TGFBR2: variants seen among roughly 807,000 people sequenced by gnomAD.
TGFBR2 encodes the protein TGF-beta receptor type-2.
In TGFBR2, 18 loss-of-function variants were observed where a neutral mutation model predicts 49.0. The ratio of observed to expected loss-of-function variants is 0.37; its 90% CI spans 0.25 to 0.54. The LOEUF is 0.54. Ranked by LOEUF, TGFBR2 falls within the 20% of genes least tolerant of loss-of-function variation. TGFBR2 has a pLI of 0.85. For missense variants in TGFBR2, 525 were observed against 722.6 expected, an observed-to-expected ratio of 0.73 and a Z score of 3.13; for synonymous variants, 282 against 275.9, an observed-to-expected ratio of 1.02 and a Z score of -0.22.
intron 3 of TGFBR2, 144 bp from the exon 4 acceptor site, chr3:30,671,494 C>T (rs1177516760): frequency 1.2e-6 from 1 of 821,396 alleles, no homozygotes; most frequent in East Asian, 2.6e-5. Context: ...GCACTTGCAT[C>T]CCTGAAATAA....
At chr3:30,653,631 G>C (rs1260345593) in intron 3 of TGFBR2, among the ~76,000 whole-genome samples, 1 of 152,100 alleles carries the variant, frequency 6.6e-6, no homozygotes, top group East Asian at 1.9e-4. Context: ...AGTGCATTGT[G>C]GCTGTATTAT....
chr3:30,670,767 G>A (rs1025249889), intron 3 of TGFBR2, among the ~76,000 whole-genome samples: 1 of 152,252 alleles, frequency 6.6e-6, no homozygotes, highest in African/African-American at 2.4e-5. Flanking sequence ...AAAAACTGCA[G>A]CATTTCCATT....
chr3:30,624,624 A>T (rs1046227723), intron 1 of TGFBR2, among the ~76,000 whole-genome samples: 1 of 152,234 alleles, frequency 6.6e-6, no homozygotes, highest in East Asian at 1.9e-4. Flanking sequence ...CAAAGGAAAA[A>T]AAAAAAAGAA....
chr3:30,669,121 C>CAAAAAAAAAAAAAAAAAA (rs56069409), intron 3 of TGFBR2, among the ~76,000 whole-genome samples: 4 of 83,464 alleles, frequency 4.8e-5, no homozygotes, highest in African/African-American at 2.2e-4. Context: ...ACTAAAAATA[C>CAAAAAAAAAAAAAAAAAA]AAAAAAAAAA....
At chr3:30,684,093 C>T (rs1699580615) in intron 5 of TGFBR2, among the ~76,000 whole-genome samples, 1 of 151,988 alleles carries the variant, frequency 6.6e-6, no homozygotes, top group South Asian at 2.1e-4. Flanking sequence ...CATGGTCATC[C>T]TACAAGTCCT....
In TGFBR2 at chr3:30,691,773, A is replaced by G; in HGVS notation, c.*174A>G. On this transcript the variant is annotated 3_prime_UTR_variant, in exon 7 of 7. Coordinates refer to ENST00000295754, the MANE Select transcript of TGFBR2 (RefSeq NM_003242.6). The stretch of plus-strand genomic sequence containing the variant: ...AACAGCAGCAGGGAGTGGGTGACAT[A>G]GAGCATTCTATGCCTTTGACATTGT... The G allele has an allele frequency of 2.9e-6, 2 of 683,200 alleles. No homozygotes were observed. Among genetic ancestry groups the G allele is most frequent in the Admixed American group, 2.3e-5 (1 of 43,528 alleles). The allele number at this position is 683,200 out of a possible 1,614,324, so 42.3% of individuals were successfully genotyped here. A position where few individuals can be genotyped will look rare whatever the true frequency, so the allele number is the denominator to read the frequency against.
intron 1 of TGFBR2, among the ~76,000 whole-genome samples, chr3:30,626,121 A>G: frequency 6.6e-6 from 1 of 152,212 alleles, no homozygotes; most frequent in Middle Eastern, 3.2e-3. Flanking sequence ...CCGATGTGGA[A>G]CCATGTTGAG....
intron 1 of TGFBR2, among the ~76,000 whole-genome samples, chr3:30,624,934 G>T (rs143425540): frequency 1.8e-3 from 279 of 152,214 alleles, no homozygotes; most frequent in African/African-American, 6.5e-3. Flanking sequence ...CAGCAAAGAT[G>T]AGCTTCATTA....
At chr3:30,674,016 A>T (rs1699387611) in intron 4 of TGFBR2, 89 bp from the exon 5 acceptor site, 1 of 1,515,228 alleles carries the variant, frequency 6.6e-7, no homozygotes, top group East Asian at 2.3e-5. Context: ...AATCCTCTGC[A>T]CGTGTCAGGG....
chr3:30,630,993 T>C (rs1158728190), intron 1 of TGFBR2, among the ~76,000 whole-genome samples: 1 of 151,844 alleles, frequency 6.6e-6, no homozygotes, highest in East Asian at 1.9e-4. Context: ...ACAGACTAAG[T>C]TACCAACCTT....
chr3:30,636,475 C>T (rs1375628689), intron 1 of TGFBR2, among the ~76,000 whole-genome samples: 1 of 152,118 alleles, frequency 6.6e-6, no homozygotes, highest in Non-Finnish European at 1.5e-5. Context: ...GGGGCTGTCA[C>T]TTGAATGAAA....
At chr3:30,623,073 ATAATAATCTTT>A in intron 1 of TGFBR2, 1 of 673,042 alleles carries the variant, frequency 1.5e-6, no homozygotes, top group Admixed American at 2.6e-5. Flanking sequence ...ATGTCTAGTT[ATAATAATCTTT>A]TAATAATCTC....
Position 30,641,586 on chromosome 3 carries a change from T to A in TGFBR2, c.95-3161T>A, listed in dbSNP as rs1029823219. Among the ~76,000 whole-genome samples, 3 of 152,130 alleles carry A rather than the reference T, an allele frequency of 2.0e-5. No homozygotes were observed. The East Asian group carries it at 5.8e-4, about 29-fold the overall frequency. Reference sequence around the variant, plus strand: ...CTGTAACAAGGAGAAAAATGTGGCATCCCTGGCTGGGTTCTTGTGAAGTAA... The same window carrying A: ...CTGTAACAAGGAGAAAAATGTGGCAACCCTGGCTGGGTTCTTGTGAAGTAA... On this transcript the variant is annotated intron_variant, in intron 1 of 6. Transcript: ENST00000295754.
At chr3:30,624,593 C>T (rs554381048) in intron 1 of TGFBR2, among the ~76,000 whole-genome samples, 3 of 150,022 alleles carry the variant, frequency 2.0e-5, no homozygotes, top group African/African-American at 7.4e-5. Flanking sequence ...TCCAGCCTGG[C>T]GACAGAGCAA....
chr3:30,677,734 A>C (rs891410617), intron 5 of TGFBR2, among the ~76,000 whole-genome samples: 1 of 152,230 alleles, frequency 6.6e-6, no homozygotes, highest in African/African-American at 2.4e-5. Flanking sequence ...AACTGCATTC[A>C]TCTTGATGTT....
rs1311508550 is a variant in TGFBR2 at position 30,691,746 on chromosome 3, A to G, written c.*147A>G. On this transcript the variant is annotated 3_prime_UTR_variant, in exon 7 of 7. Transcript: ENST00000295754. ...CTGTAAGCTGTGGGGATAAGCAGAA[A>G]CAACAGCAGCAGGGAGTGGGTGACA... 1 of 839,472 alleles carries G rather than the reference A, an allele frequency of 1.2e-6. No individual in the cohort carries two copies. The highest frequency in any genetic ancestry group is 1.7e-5 in the African/African-American group (1 of 59,344). The allele number at this position is 839,472 out of a possible 1,614,324, so 52.0% of individuals were successfully genotyped here. A position where few individuals can be genotyped will look rare whatever the true frequency, so the allele number is the denominator to read the frequency against.
intron 3 of TGFBR2, among the ~76,000 whole-genome samples, chr3:30,664,652 A>G (rs1699212688): frequency 6.6e-6 from 1 of 152,242 alleles, no homozygotes; most frequent in Non-Finnish European, 1.5e-5. Context: ...TTGAGTATGC[A>G]TGTGCGCACA....
intron 3 of TGFBR2, among the ~76,000 whole-genome samples, chr3:30,670,247 C>G (rs1310770794): frequency 6.6e-6 from 1 of 152,146 alleles, no homozygotes; most frequent in Admixed American, 6.5e-5. Context: ...GCTACTGTGC[C>G]TTCCATGTTT....
At chr3:30,631,276 G>A (rs1336347610) in intron 1 of TGFBR2, among the ~76,000 whole-genome samples, 1 of 152,000 alleles carries the variant, frequency 6.6e-6, no homozygotes, top group Non-Finnish European at 1.5e-5. Context: ...TCTTGACCTC[G>A]TGATTCACCC....
Sources: gnomAD v4.1 joint callset for allele counts (sites outside exome capture counted in the v4.1 genomes callset) on GRCh38, gnomAD v4.1.1 for gene constraint, MANE v1.5 for transcripts, NCBI Gene and HGNC (gene_info 2026-07-23, HGNC 2026-07-21) for gene names.